YWHAB: variants seen among roughly 807,000 people sequenced by gnomAD.
YWHAB encodes the protein tyrosine 3-monooxygenase/tryptophan 5-monooxygenase activation protein beta.
Under a neutral mutation model 28.5 loss-of-function variants are expected in YWHAB, and 2 were observed. The observed-to-expected ratio is 0.07, with a 90% CI of 0.03 to 0.22. The LOEUF is 0.22. YWHAB is among the 10% of genes least tolerant of loss of function. The pLI is 1.00. For synonymous variants in YWHAB, 103 were observed against 104.7 expected, an observed-to-expected ratio of 0.98 and a Z score of 0.10; for missense variants, 148 against 297.1, an observed-to-expected ratio of 0.50 and a Z score of 3.69.
At chr20:44,904,228 T>A in intron 3 of YWHAB, 112 bp downstream of exon 3, 1 of 1,367,020 alleles carries the variant, frequency 7.3e-7, no homozygotes, top group Non-Finnish European at 1.0e-6. Flanking sequence ...GTCACAGTAC[T>A]AAGAATTTAA....
chr20:44,904,205 C>T (rs372884226), intron 3 of YWHAB, 89 bp downstream of exon 3: 2 of 1,504,564 alleles, frequency 1.3e-6, no homozygotes, highest in African/African-American at 2.8e-5. Flanking sequence ...CTTTGTTCGC[C>T]ATAGACACCA....
chr20:44,892,956 T>G (rs75925046), intron 1 of YWHAB, among the ~76,000 whole-genome samples: 181 of 152,312 alleles, frequency 1.2e-3, no homozygotes, highest in Non-Finnish European at 2.3e-3. Flanking sequence ...AGCTTATTAT[T>G]TTCGAATCGA....
chr20:44,895,135 G>A (rs2066588497), intron 1 of YWHAB, among the ~76,000 whole-genome samples: 1 of 152,208 alleles, frequency 6.6e-6, no homozygotes, highest in Non-Finnish European at 1.5e-5. Context: ...AATCAGTGAG[G>A]GCTAGGGCAG....
rs781631165 is a variant in YWHAB, at chr20:44,906,062, C to T, written c.650C>T (p.Thr217Ile). 6.2e-7 allele frequency: 1 copy of T among 1,613,840 alleles called. No individual in the cohort carries two copies. Among genetic ancestry groups the T allele is most frequent in the Admixed American group, 1.7e-5 (1 of 60,012 alleles). Residue 217 changes from threonine to isoleucine, a missense_variant, in exon 5 of 6, where the codon ACT becomes ATT. Around this residue, in one of 2 missense-constraint regions of YWHAB, gnomAD observed 38 missense variants for 119.2 expected, o/e 0.32. Transcript: ENST00000353703. ...AATGAAGAGTCTTATAAAGACAGCACTCTGATCATGCAGTTACTTAGGGAC... is the reference window on the plus strand; with the variant it reads ...AATGAAGAGTCTTATAAAGACAGCATTCTGATCATGCAGTTACTTAGGGAC... Reference protein sequence around the residue: ...TLNEESYKDSTLIMQLLRDNL... With the variant: ...TLNEESYKDSILIMQLLRDNL...
At chr20:44,891,634 T>G (rs1045822538) in intron 1 of YWHAB, among the ~76,000 whole-genome samples, 1 of 139,332 alleles carries the variant, frequency 7.2e-6, no homozygotes, top group African/African-American at 2.9e-5. Context: ...TATTGTCATA[T>G]CTACCATTAA....
intron 2 of YWHAB, chr20:44,903,051 C>T: frequency 1.0e-6 from 1 of 986,300 alleles, no homozygotes; most frequent in Non-Finnish European, 1.2e-6. Flanking sequence ...CAGGATGCCA[C>T]ATTCTAAAAC....
At position 44,905,981 on chromosome 20, in the gene YWHAB, C is replaced by G; in HGVS notation, c.589-20C>G. On this transcript the variant is annotated intron_variant, in intron 4 of 5. Transcript: ENST00000353703. ...CTCCAGAGAACTTGTGAATTCTTTG[C>G]TAAAGGCTCTTTGTTTTAGGCATTT... 1 of 1,602,500 alleles carries G rather than the reference C, an allele frequency of 6.2e-7. No homozygotes were observed.
In YWHAB at chr20:44,903,835, A is replaced by G. The variant is rs2066640942; in HGVS notation, c.301-158A>G. ...AAGAATACAGGCATCTGCTGTTATG[A>G]CCTGGGCTAAACAACATTTAGTAGC... On this transcript the variant is annotated intron_variant, in intron 2 of 5. Coordinates refer to ENST00000353703, the MANE Select transcript of YWHAB (RefSeq NM_139323.4). 3 of 751,034 alleles carry G rather than the reference A, an allele frequency of 4.0e-6. No homozygotes were observed. The South Asian group carries it at 5.8e-5, about 15-fold the overall frequency. 46.5% of individuals were successfully genotyped at this position (751,034 alleles called of 1,614,324 possible). A position where few individuals can be genotyped will look rare whatever the true frequency, so the allele number is the denominator to read the frequency against.
chr20:44,890,283 T>C (rs2066552651), intron 1 of YWHAB, among the ~76,000 whole-genome samples: 1 of 152,204 alleles, frequency 6.6e-6, no homozygotes, highest in Non-Finnish European at 1.5e-5. Context: ...ATAGTGTTGC[T>C]CCTGATGAGA....
chr20:44,894,095 C>G (rs2066580800), intron 1 of YWHAB, among the ~76,000 whole-genome samples: 1 of 152,162 alleles, frequency 6.6e-6, no homozygotes, highest in African/African-American at 2.4e-5. Context: ...CAAATGCTTC[C>G]CAGTCCTGAC....
Position 44,906,504 on chromosome 20 carries a change from TAAAAAAAAA to T in YWHAB, c.*81_*89del, listed in dbSNP as rs775632748. 1.0e-3 allele frequency: 373 copies of T among 358,322 alleles called. 2 individuals are homozygous for T. Among genetic ancestry groups the T allele is most frequent in the Non-Finnish European group, 1.2e-3 (313 of 255,392 alleles). 22.2% of individuals were successfully genotyped at this position (358,322 alleles called of 1,614,324 possible). ...CCCTCAACATATATCCCTTGTGCGA[TAAAAAAAAA>T]AAAAAAAAAAAAAAGAGAATCGTAC... On this transcript the variant is annotated 3_prime_UTR_variant, in exon 6 of 6. Transcript: ENST00000353703.
Position 44,906,641 on chromosome 20 carries a change from G to A in YWHAB, c.*203G>A, listed in dbSNP as rs1296935466. 4 of 390,220 alleles carry A rather than the reference G, an allele frequency of 1.0e-5. No homozygotes were observed. The highest frequency in any genetic ancestry group is 1.9e-5 in the Non-Finnish European group (4 of 213,438). 24.2% of individuals were successfully genotyped at this position (390,220 alleles called of 1,614,324 possible). On this transcript the variant is annotated 3_prime_UTR_variant, in exon 6 of 6. Transcript: ENST00000353703. ...CTCAGATTGGTCACATAAATGCCAC[G>A]GCATTCCGAAGTTTTGATTTTGATT...
In YWHAB at chr20:44,885,803, C is replaced by G. The variant is rs1029734197; in HGVS notation, c.-87C>G. 5.9e-6 allele frequency: 1 copy of G among 170,624 alleles called. No individual in the cohort carries two copies. Among genetic ancestry groups the G allele is most frequent in the Non-Finnish European group, 1.2e-5 (1 of 80,498 alleles). 10.6% of individuals were successfully genotyped at this position (170,624 alleles called of 1,614,324 possible). On this transcript the variant is annotated 5_prime_UTR_variant, in exon 1 of 6. Coordinates refer to ENST00000353703, the MANE Select transcript of YWHAB (RefSeq NM_139323.4). ...CCACTGCAGGCACCGCTGCCGCCGC[C>G]TGAGTAGTGGGCTTAGGAAGGAAGA...
At chr20:44,902,986 C>A in intron 2 of YWHAB, 1 of 918,330 alleles carries the variant, frequency 1.1e-6, no homozygotes, top group Non-Finnish European at 1.3e-6. Context: ...CTTTTAAGAG[C>A]ATCTGAAAGA....
chr20:44,906,277 G>T, intron 5 of YWHAB, 105 bp from the exon 6 acceptor site: 1 of 1,296,056 alleles, frequency 7.7e-7, no homozygotes, highest in Non-Finnish European at 1.1e-6. Flanking sequence ...CAGTGACACA[G>T]GAATAATTTT....
intron 1 of YWHAB, among the ~76,000 whole-genome samples, chr20:44,890,618 C>A (rs1249368238): frequency 1.4e-5 from 2 of 145,912 alleles, no homozygotes; most frequent in Non-Finnish European, 3.0e-5. Flanking sequence ...TCAAGCAATT[C>A]TCCTGCCTCA....
chr20:44,896,215 TTCTA>T (rs761104862), intron 1 of YWHAB, among the ~76,000 whole-genome samples: 6 of 152,246 alleles, frequency 3.9e-5, no homozygotes, highest in Non-Finnish European at 8.8e-5. Flanking sequence ...GTGAAATTGA[TTCTA>T]TCTGTTTTTA....
At position 44,901,593 on chromosome 20, in the gene YWHAB, A is replaced by C. The variant is rs4931; in HGVS notation, c.60A>C (p.Arg20=). ...QKAKLAEQAE[R]YDDMAAAMKA... is the part of the protein sequence containing the mutation. ...CCAAACTCGCTGAGCAGGCTGAGCG[A>C]TATGATGATATGGCTGCAGCCATGA... The change falls in exon 2 of 6, where the codon CGA becomes CGC. Residue 20 remains arginine, a synonymous_variant. Coordinates refer to ENST00000353703, the MANE Select transcript of YWHAB (RefSeq NM_139323.4). 451,769 of 1,613,376 alleles carry C rather than the reference A, an allele frequency of 0.28. 67,119 individuals carry two copies. Among genetic ancestry groups the C allele is most frequent in the African/African-American group, 0.52 (38,761 of 74,890 alleles).
chr20:44,903,852 T>C, intron 2 of YWHAB, 141 bp from the exon 3 acceptor site: 1 of 947,976 alleles, frequency 1.1e-6, no homozygotes, highest in Non-Finnish European at 1.5e-6. Flanking sequence ...CTAAACAACA[T>C]TTAGTAGCTT....
Sources: gnomAD v4.1 joint callset for allele counts (sites outside exome capture counted in the v4.1 genomes callset) on GRCh38, gnomAD v4.1.1 for gene constraint, gnomAD v4.1.1 regional missense constraint, MANE v1.5 for transcripts, NCBI Gene and HGNC (gene_info 2026-07-23, HGNC 2026-07-21) for gene names.